The following SH2B2 variants were observed in gnomAD, a reference collection of about 807,000 sequenced individuals.
SH2B2 encodes the protein SH2B adaptor protein 2.
In SH2B2, 37 loss-of-function variants were observed where a neutral mutation model predicts 35.7. The ratio of observed to expected loss-of-function variants is 1.04; its 90% CI spans 0.80 to 1.36. The LOEUF is 1.36. Ranked by LOEUF, SH2B2 falls within the 40% of genes most tolerant of loss-of-function variation. The probability of loss-of-function intolerance (pLI) is 0.00; values close to 1 mark genes in which losing one functional copy is unlikely to be tolerated. For missense variants in SH2B2, 852 were observed against 817.7 expected (o/e 1.04, Z -0.51); for synonymous variants, 383 against 376.4 (o/e 1.02, Z -0.20).
chr7:102,300,967 C>G lies in SH2B2; in HGVS notation c.417C>G (p.Asn139Lys). 3 of 1,483,318 alleles carry G rather than the reference C, an allele frequency of 2.0e-6. No homozygotes were observed. The highest frequency in any genetic ancestry group is 2.7e-6 in the Non-Finnish European group (3 of 1,119,126). The allele number at this position is 1,483,318 out of a possible 1,614,324, so 91.9% of individuals were successfully genotyped here. Residue 139 changes from asparagine to lysine, a missense_variant, in exon 2 of 9, where the codon AAC becomes AAG. This residue lies in a region of SH2B2 where 294 missense variants were observed against 286.6 expected (regional missense o/e 1.03). Transcript: ENST00000444095. ...ARVRKGFSLR[N>K]MSLCVVDGVR... ...TTCGCAAGGGCTTCTCGCTGCGCAA[C>G]ATGAGCCTGTGCGTGGTGGACGGCG...
At chr7:102,317,099 A>G (rs782166708) in intron 6 of SH2B2, 88 bp from the exon 7 acceptor site, 2 of 1,114,470 alleles carry the variant, frequency 1.8e-6, no homozygotes, top group East Asian at 2.7e-5. Flanking sequence ...AAAAAAACCA[A>G]CAAGACGTCA....
rs368644155 is a variant in SH2B2, at chr7:102,292,580, C to G, written c.-30+5486C>G. Among the ~76,000 whole-genome samples, 92 of 151,698 alleles carry G rather than the reference C, an allele frequency of 6.1e-4. 1 individual carries two copies. The highest frequency in any genetic ancestry group is 2.2e-3 in the African/African-American group (90 of 41,376). Reference sequence around the variant, plus strand: ...GGCCATGGCGTCTTGTGCCTGTAGTCCCAGCCACTTGGGAGGCTGAGGCAG... The same window carrying G: ...GGCCATGGCGTCTTGTGCCTGTAGTGCCAGCCACTTGGGAGGCTGAGGCAG... On this transcript the variant is annotated intron_variant, in intron 1 of 8. Transcript: ENST00000444095.
chr7:102,292,696 C>CT (rs1554551961), intron 1 of SH2B2, among the ~76,000 whole-genome samples: 1 of 152,016 alleles, frequency 6.6e-6, no homozygotes, highest in African/African-American at 2.4e-5. Flanking sequence ...CAGAGTGAGA[C>CT]TTTGTCTAAA....
intron 3 of SH2B2, 135 bp downstream of exon 3, chr7:102,306,957 G>C: frequency 1.4e-6 from 1 of 695,324 alleles, no homozygotes; most frequent in South Asian, 1.7e-5. Flanking sequence ...CCTGGTGTGG[G>C]GGGTTCCCAG....
chr7:102,293,373 GCGATGAGCAGGGACTCCATTAGACTTC>G (rs1386004007), intron 1 of SH2B2, among the ~76,000 whole-genome samples: 3 of 151,754 alleles, frequency 2.0e-5, no homozygotes, highest in Admixed American at 2.0e-4. Flanking sequence ...GCCTGGAAAG[GCGATGAGCAGGGACTCCATTAGACTTC>G]CCCTGCCCTC....
chr7:102,300,989 G>A lies in SH2B2; in HGVS notation c.439G>A (p.Gly147Ser), dbSNP rs1365615265. 8 of 1,447,946 alleles carry A rather than the reference G, an allele frequency of 5.5e-6. No homozygotes were observed. The highest frequency in any genetic ancestry group is 2.9e-5 in the East Asian group (1 of 34,150). 89.7% of individuals were successfully genotyped at this position (1,447,946 alleles called of 1,614,324 possible). A position where few individuals can be genotyped will look rare whatever the true frequency, so the allele number is the denominator to read the frequency against. Reference sequence around the variant, plus strand: ...CAACATGAGCCTGTGCGTGGTGGACGGCGTGCGCGACATGTGGCACCGGCG... The same window carrying A: ...CAACATGAGCCTGTGCGTGGTGGACAGCGTGCGCGACATGTGGCACCGGCG... Reference protein sequence around the residue: ...LRNMSLCVVDGVRDMWHRRAS... With the variant: ...LRNMSLCVVDSVRDMWHRRAS... Residue 147 changes from glycine (G) to serine (S), a missense_variant, in exon 2 of 9, where the codon GGC (glycine) becomes AGC (serine). Coordinates refer to ENST00000444095, the MANE Select transcript of SH2B2 (RefSeq NM_001359228.2).
Position 102,294,015 on chromosome 7 carries a change from G to A in SH2B2, c.-29-6507G>A, listed in dbSNP as rs553123176. Among the ~76,000 whole-genome samples the A allele has an allele frequency of 5.3e-5, 8 of 152,152 alleles. No homozygotes were observed. The East Asian group carries it at 1.4e-3, about 26-fold the overall frequency. On this transcript the variant is annotated intron_variant, in intron 1 of 8. Coordinates refer to ENST00000444095, the MANE Select transcript of SH2B2 (RefSeq NM_001359228.2). ...GAGCAGTATAGGGAAGTTTTCCTGG[G>A]AGAAGAGAAGGTTTTGTTTCGGTTT... is the stretch of plus-strand genomic sequence containing the variant.
chr7:102,306,950 G>A (rs1793426502), intron 3 of SH2B2, 128 bp downstream of exon 3: 1 of 714,382 alleles, frequency 1.4e-6, no homozygotes, highest in Non-Finnish European at 2.4e-6. Context: ...AGGGAGCCCT[G>A]GTGTGGGGGG....
At chr7:102,310,634 G>C (rs183976545) in intron 4 of SH2B2, among the ~76,000 whole-genome samples, 4 of 152,126 alleles carry the variant, frequency 2.6e-5, no homozygotes, top group African/African-American at 7.2e-5. Context: ...GCCAAGCCCC[G>C]GGGGGAAGGG....
In SH2B2 at chr7:102,299,197, C is replaced by CTTTTTTTTT. The variant is rs71123035; in HGVS notation, c.-29-1314_-29-1306dup. 1.1e-3 allele frequency among the ~76,000 whole-genome samples: 27 copies of CTTTTTTTTT among 24,632 alleles called. 5 individuals are homozygous for CTTTTTTTTT. The highest frequency in any genetic ancestry group is 2.5e-3 in the African/African-American group (13 of 5,118). 16.2% of individuals were successfully genotyped at this position (24,632 alleles called of 152,430 possible). ...TACAGGCATGAGCCACCGCGCCTGG[C>CTTTTTTTTT]TTTTTTTTTTTTTTTTTTTGAGGTG... On this transcript the variant is annotated intron_variant, in intron 1 of 8. Transcript: ENST00000444095.
Position 102,317,227 on chromosome 7 carries a change from G to C in SH2B2, c.1227G>C (p.Glu409Asp), listed in dbSNP as rs1554557202. ...AGACGGATCCCGAGGCTGAACCCGAGCTGGAGCTATCCGACTACCCATGGT... is the reference window on the plus strand; with the variant it reads ...AGACGGATCCCGAGGCTGAACCCGACCTGGAGCTATCCGACTACCCATGGT... ...GAETDPEAEP[E>D]LELSDYPWFH... Residue 409 changes from glutamate to aspartate, a missense_variant, in exon 7 of 9, where the codon GAG (glutamate) becomes GAC (aspartate). Coordinates refer to ENST00000444095, the MANE Select transcript of SH2B2 (RefSeq NM_001359228.2). 6.2e-7 allele frequency: 1 copy of C among 1,611,242 alleles called. No homozygotes were observed.
chr7:102,321,193 C>A (rs1794057426), intron 8 of SH2B2, 106 bp from the exon 9 acceptor site: 2 of 1,032,554 alleles, frequency 1.9e-6, no homozygotes, highest in African/African-American at 1.7e-5. Flanking sequence ...TGGGCTGCAA[C>A]TCGGAAACCT....
chr7:102,309,450 T>C (rs1793533056), intron 4 of SH2B2: 8 of 283,254 alleles, frequency 2.8e-5, no homozygotes, highest in South Asian at 2.3e-4. Flanking sequence ...AATCTCCGCC[T>C]CCCAGGTTCA....
At position 102,320,161 on chromosome 7, in the gene SH2B2, G is replaced by A. The variant is rs369250948; in HGVS notation, c.1396-170G>A. Among the ~76,000 whole-genome samples the A allele has an allele frequency of 2.2e-3, 330 of 152,220 alleles. 1 individual carries two copies. Among genetic ancestry groups the A allele is most frequent in the African/African-American group, 7.3e-3 (305 of 41,542 alleles). ...ATGCCTTCCATCTCAGCCTGGGTCCGTTGCCCCCATTCCCCATCTCCAGAT... is the reference window on the plus strand; with the variant it reads ...ATGCCTTCCATCTCAGCCTGGGTCCATTGCCCCCATTCCCCATCTCCAGAT... On this transcript the variant is annotated intron_variant, in intron 7 of 8. Coordinates refer to ENST00000444095, the MANE Select transcript of SH2B2 (RefSeq NM_001359228.2).
intron 8 of SH2B2, among the ~76,000 whole-genome samples, 175 bp from the exon 9 acceptor site, chr7:102,321,122 ATG>A (rs1554558386): frequency 6.6e-6 from 1 of 152,030 alleles, no homozygotes; most frequent in African/African-American, 2.4e-5. Context: ...AGGTACATGT[ATG>A]TGTGTGTGCT....
chr7:102,317,362 C>A lies in SH2B2; in HGVS notation c.1362C>A (p.Tyr454Ter). 1 of 1,595,342 alleles carries A rather than the reference C, an allele frequency of 6.3e-7. No individual in the cohort carries two copies. Among genetic ancestry groups the A allele is most frequent in the Non-Finnish European group, 8.6e-7 (1 of 1,165,890 alleles). The change falls in exon 7 of 9, where the codon TAC (tyrosine) becomes TAA (stop). Residue 454 changes from tyrosine (Y) to a stop codon, truncating the protein, a stop_gained. Coordinates refer to ENST00000444095, the MANE Select transcript of SH2B2 (RefSeq NM_001359228.2). LOFTEE classifies it high-confidence loss of function. ...AAAGTGAGACTCGGCCTGGGGAGTA[C>A]GTGCTGACCTTCAACTTCCAGGGCA... ...IRQSETRPGE[Y>*]VLTFNFQGKA...
chr7:102,295,016 C>G (rs1369157641), intron 1 of SH2B2, among the ~76,000 whole-genome samples: 2 of 152,166 alleles, frequency 1.3e-5, no homozygotes, highest in African/African-American at 2.4e-5. Context: ...TTGGAAGATT[C>G]CTCTCTAAGT....
In SH2B2 at chr7:102,304,846, G is replaced by A. The variant is rs546989880; in HGVS notation, c.730-1875G>A. The stretch of plus-strand genomic sequence containing the variant: ...TCATGCTTCAAGCCTAGCCCTGCAC[G>A]CGCTGGACAGGGGCCAGTTCTTCCT... On this transcript the variant is annotated intron_variant, in intron 2 of 8. Transcript: ENST00000444095. Among the ~76,000 whole-genome samples the A allele has an allele frequency of 2.3e-3, 343 of 152,382 alleles. 4 individuals carry two copies. The South Asian group carries it at 0.031, about 14-fold the overall frequency.
intron 2 of SH2B2, among the ~76,000 whole-genome samples, chr7:102,303,871 G>A (rs35353447): frequency 0.017 from 2,516 of 150,332 alleles, 32 homozygotes; most frequent in South Asian, 0.031. Flanking sequence ...GCCCGCCCCC[G>A]CCCCACTCCA....
Sources: gnomAD v4.1 joint callset for allele counts (sites outside exome capture counted in the v4.1 genomes callset) on GRCh38, gnomAD v4.1.1 for gene constraint, gnomAD v4.1.1 regional missense constraint, MANE v1.5 for transcripts, NCBI Gene and HGNC (gene_info 2026-07-23, HGNC 2026-07-21) for gene names.